The following IL34 variants were observed in gnomAD, a reference collection of about 807,000 sequenced individuals.
IL34 encodes the protein interleukin 34.
In IL34, 17 loss-of-function variants were observed where a neutral mutation model predicts 25.3. The observed-to-expected ratio is 0.67, with a 90% CI of 0.46 to 1.01. The LOEUF is 1.01. Among genes scored for constraint, IL34 ranks in the 50% least tolerant of loss-of-function variants. The pLI, the probability that IL34 is intolerant of heterozygous loss-of-function variation, is 0.00. For synonymous variants in IL34, 174 were observed against 140.9 expected (o/e 1.23, Z -1.66); for missense variants, 368 against 312.9 (o/e 1.18, Z -1.33).
chr16:70,631,823 T>C (rs890838734), intron 1 of IL34, among the ~76,000 whole-genome samples: 2 of 152,132 alleles, frequency 1.3e-5, no homozygotes, highest in African/African-American at 2.4e-5. Context: ...ACAAGTTACC[T>C]CATCCCTCTG....
rs1304692001 is a variant in IL34 at position 70,660,204 on chromosome 16, C to T, written c.*17C>T. 1.7e-5 allele frequency: 27 copies of T among 1,547,938 alleles called. No homozygotes were observed. Among genetic ancestry groups the T allele is most frequent in the Non-Finnish European group, 2.3e-5 (26 of 1,149,558 alleles). On this transcript the variant is annotated 3_prime_UTR_variant, in exon 6 of 6. Coordinates refer to ENST00000288098, the MANE Select transcript of IL34 (RefSeq NM_001393494.1). ...TTGCCCTGAGCACCCTGGATGGTGA[C>T]TGCGGATAGGGGCAGCCAGACCAGC...
intron 1 of IL34, among the ~76,000 whole-genome samples, chr16:70,620,513 A>G (rs1194704406): frequency 6.6e-6 from 1 of 151,952 alleles, no homozygotes; most frequent in African/African-American, 2.4e-5. Context: ...CCTGGCGAGG[A>G]GGGGAGAGGT....
At chr16:70,598,468 G>C (rs1429439517) in intron 1 of IL34, among the ~76,000 whole-genome samples, 2 of 152,198 alleles carry the variant, frequency 1.3e-5, no homozygotes. Context: ...GCTGGGCGCA[G>C]TGGCTCACAC....
At chr16:70,625,401 A>T (rs2051369915) in intron 1 of IL34, among the ~76,000 whole-genome samples, 1 of 151,992 alleles carries the variant, frequency 6.6e-6, no homozygotes. Flanking sequence ...GAAATAAGGG[A>T]TTGGGGGTTC....
chr16:70,630,035 T>C (rs1325514556), intron 1 of IL34, among the ~76,000 whole-genome samples: 1 of 152,218 alleles, frequency 6.6e-6, no homozygotes, highest in Non-Finnish European at 1.5e-5. Context: ...CTGGTAACTG[T>C]CCTTCTACTC....
intron 1 of IL34, among the ~76,000 whole-genome samples, chr16:70,601,630 C>T (rs1268000119): frequency 6.6e-6 from 1 of 152,188 alleles, no homozygotes; most frequent in East Asian, 1.9e-4. Flanking sequence ...GAACTCCTGA[C>T]CTCAAGTGAT....
intron 1 of IL34, among the ~76,000 whole-genome samples, chr16:70,597,087 G>A (rs1031010153): frequency 6.6e-6 from 1 of 152,136 alleles, no homozygotes; most frequent in Non-Finnish European, 1.5e-5. Flanking sequence ...CTAGTGAACT[G>A]AGCCCCTTCT....
At chr16:70,605,364 A>C (rs2050987498) in intron 1 of IL34, among the ~76,000 whole-genome samples, 1 of 152,364 alleles carries the variant, frequency 6.6e-6, no homozygotes, top group African/African-American at 2.4e-5. Flanking sequence ...AAATACATAC[A>C]TGAAACATGA....
chr16:70,630,278 C>T (rs2051489545), intron 1 of IL34, among the ~76,000 whole-genome samples: 2 of 152,056 alleles, frequency 1.3e-5, no homozygotes, highest in Non-Finnish European at 2.9e-5. Flanking sequence ...CTCTCTGTCG[C>T]ACAGGCTGGA....
intron 1 of IL34, among the ~76,000 whole-genome samples, chr16:70,627,823 C>T (rs1259201158): frequency 1.3e-5 from 2 of 152,062 alleles, no homozygotes; most frequent in East Asian, 1.9e-4. Flanking sequence ...ACTTTAAACA[C>T]GTGTATTCTT....
intron 1 of IL34, among the ~76,000 whole-genome samples, chr16:70,619,619 G>A (rs776971607): frequency 1.3e-4 from 20 of 151,442 alleles, no homozygotes; most frequent in Admixed American, 3.3e-4. Context: ...GGTAGCCTCC[G>A]TATTGATTAA....
chr16:70,644,057 C>T (rs966560889), upstream of IL34, among the ~76,000 whole-genome samples: 4 of 152,162 alleles, frequency 2.6e-5, no homozygotes, highest in Admixed American at 2.6e-4. Context: ...TCACTGCAAC[C>T]TCCGCCTCCT....
At chr16:70,656,115 T>G (rs1323841345) in intron 2 of IL34, among the ~76,000 whole-genome samples, 1 of 152,234 alleles carries the variant, frequency 6.6e-6, no homozygotes, top group East Asian at 1.9e-4. Context: ...GTATTTTGTT[T>G]CACCCACCCT....
At position 70,623,761 on chromosome 16, in the gene IL34, C is replaced by T. The variant is rs1351162432; in HGVS notation, c.-400-22787C>T. On this transcript the variant is annotated intron_variant, in intron 1 of 6. Coordinates refer to the IL34 transcript ENST00000429149. ...AGCAGATAATTTAGTTAAAGTGTCT[C>T]GGCCTAATAAGGGAACTGGGCAGGT... is the stretch of plus-strand genomic sequence containing the variant. Among the ~76,000 whole-genome samples, 12 of 151,350 alleles carry T rather than the reference C, an allele frequency of 7.9e-5. No individual in the cohort carries two copies. In the South Asian group the frequency reaches 8.3e-4, roughly 11 times the overall value.
intron 1 of IL34, among the ~76,000 whole-genome samples, chr16:70,627,288 G>T (rs539139523): frequency 1.3e-5 from 2 of 152,206 alleles, no homozygotes; most frequent in Admixed American, 1.3e-4. Flanking sequence ...ATATAGCAAA[G>T]TAAATAAATT....
chr16:70,602,524 C>A (rs1458806940), intron 1 of IL34, among the ~76,000 whole-genome samples: 1 of 151,476 alleles, frequency 6.6e-6, no homozygotes. Flanking sequence ...CAGAGCCAGA[C>A]CCTGCCTCAA....
At chr16:70,656,797 C>T in intron 3 of IL34, 118 bp downstream of exon 3, 2 of 1,001,528 alleles carry the variant, frequency 2.0e-6, no homozygotes, top group Non-Finnish European at 1.6e-6. Context: ...CTCTCCTCAG[C>T]CCCGAGAGCA....
intron 1 of IL34, among the ~76,000 whole-genome samples, chr16:70,612,221 C>G (rs1033960329): frequency 5.3e-5 from 8 of 151,722 alleles, no homozygotes; most frequent in African/African-American, 1.7e-4. Context: ...TTCCTTCCAG[C>G]TTTAAGAGTC....
intron 2 of IL34, 30 bp downstream of exon 2, chr16:70,654,701 G>T (rs770619842): frequency 1.3e-6 from 2 of 1,573,540 alleles, no homozygotes; most frequent in Admixed American, 1.7e-5. Flanking sequence ...CTGTGTCCCT[G>T]TCCCCGCGTC....
Sources: allele counts gnomAD v4.1 joint callset (sites outside exome capture counted in the v4.1 genomes callset), GRCh38; gene constraint gnomAD v4.1.1; transcripts MANE v1.5; gene names NCBI Gene and HGNC (gene_info 2026-07-23, HGNC 2026-07-21).